The following GRHL2 variants were observed in gnomAD, a reference collection of about 807,000 sequenced individuals.
GRHL2 encodes the protein grainyhead like transcription factor 2, also known as grainyhead-like protein 2 homolog.
A neutral mutation model predicts 83.8 loss-of-function variants in GRHL2; 21 were observed. That is an observed-to-expected ratio of 0.25 (90% CI 0.18 to 0.36). The LOEUF (loss-of-function observed/expected upper bound fraction) is 0.36. Ranked by LOEUF, GRHL2 falls within the 10% of genes least tolerant of loss-of-function variation. GRHL2 has a pLI of 1.00. For synonymous variants in GRHL2, 280 were observed against 278.9 expected (o/e 1.00, Z -0.04); for missense variants, 623 against 781.8 (o/e 0.80, Z 2.42).
At chr8:101,672,706 C>G (rs551203891), downstream of GRHL2, among the ~76,000 whole-genome samples, 19 of 151,878 alleles carry the variant, frequency 1.3e-4, no homozygotes, top group African/African-American at 4.4e-4. Context: ...CAGAGAACGT[C>G]ACAAAGATAC....
At chr8:101,590,101 T>C (rs77764733) in intron 7 of GRHL2, among the ~76,000 whole-genome samples, 2,917 of 152,266 alleles carry the variant, frequency 0.019, 81 homozygotes, top group African/African-American at 0.065. Flanking sequence ...TCTCAAAAAA[T>C]GGTGGCCATT....
At chr8:101,544,100 A>C (rs187594728) in intron 2 of GRHL2, 1 of 153,236 alleles carries the variant, frequency 6.5e-6, no homozygotes, top group Non-Finnish European at 1.5e-5. Context: ...ATGGGAGTAC[A>C]ATTCAAGATG....
At chr8:101,549,180 C>G (rs1811328028) in intron 2 of GRHL2, among the ~76,000 whole-genome samples, 1 of 152,030 alleles carries the variant, frequency 6.6e-6, no homozygotes, top group African/African-American at 2.4e-5. Context: ...GCAGAGAGGA[C>G]TTTGTGTCAT....
intron 14 of GRHL2, among the ~76,000 whole-genome samples, chr8:101,658,432 A>C (rs916301713): frequency 6.6e-6 from 1 of 152,176 alleles, no homozygotes; most frequent in African/African-American, 2.4e-5. Flanking sequence ...TCTGAGAGAC[A>C]GCGCTCACAA....
chr8:101,535,291 G>A (rs1231334075), intron 1 of GRHL2, among the ~76,000 whole-genome samples: 1 of 151,320 alleles, frequency 6.6e-6, no homozygotes, highest in Non-Finnish European at 1.5e-5. Flanking sequence ...TCAGGGAGAT[G>A]TGTGTGTGTG....
rs1451859312 is a variant in GRHL2 at position 101,573,754 on chromosome 8, A to G, written c.821A>G (p.Gln274Arg). The change falls in exon 6 of 16, where the codon CAG (glutamine) becomes CGG (arginine). Residue 274 changes from glutamine to arginine, a missense_variant. Around this residue, in one of 8 missense-constraint regions of GRHL2, gnomAD observed 96 missense variants for 144.8 expected, o/e 0.66. Coordinates refer to ENST00000646743, the MANE Select transcript of GRHL2 (RefSeq NM_024915.4). Reference sequence around the variant, plus strand: ...CCCATGACCTACCTCAACAAAGGACAGTTCTATGCCATAACACTCAGCGAG... The same window carrying G: ...CCCATGACCTACCTCAACAAAGGACGGTTCTATGCCATAACACTCAGCGAG... ...EGPMTYLNKGQFYAITLSETG... is the reference protein window; with the variant it reads ...EGPMTYLNKGRFYAITLSETG... 2 of 1,614,220 alleles carry G rather than the reference A, an allele frequency of 1.2e-6. No individual in the cohort carries two copies. Among genetic ancestry groups the G allele is most frequent in the Non-Finnish European group, 1.7e-6 (2 of 1,180,040 alleles).
intron 9 of GRHL2, among the ~76,000 whole-genome samples, chr8:101,621,891 T>TAAAAAAG (rs1164644649): frequency 6.6e-6 from 1 of 151,718 alleles, no homozygotes; most frequent in Non-Finnish European, 1.5e-5. Context: ...CTAAAAAAAA[T>TAAAAAAG]AAAATCCAAT....
chr8:101,580,621 C>T (rs1812031601), intron 7 of GRHL2, among the ~76,000 whole-genome samples: 1 of 152,190 alleles, frequency 6.6e-6, no homozygotes, highest in African/African-American at 2.4e-5. Context: ...CAAGATCACA[C>T]ATGTGATAAG....
At chr8:101,650,634 A>G (rs910279091) in intron 14 of GRHL2, among the ~76,000 whole-genome samples, 2 of 151,976 alleles carry the variant, frequency 1.3e-5, no homozygotes, top group Non-Finnish European at 2.9e-5. Context: ...AAGGCAAGTT[A>G]GTGGTTGCCA....
Position 101,611,927 on chromosome 8 carries a change from C to T in GRHL2, c.1099-7612C>T, listed in dbSNP as rs1488122050. On this transcript the variant is annotated intron_variant, in intron 8 of 15. Transcript: ENST00000646743. Reference sequence around the variant, plus strand: ...TCTTTCTCTTCCATCTCTCTTTCTCCTGTCTCAAGACTCCTACAGGAAATC... The same window carrying T: ...TCTTTCTCTTCCATCTCTCTTTCTCTTGTCTCAAGACTCCTACAGGAAATC... Among the ~76,000 whole-genome samples, 2 of 151,030 alleles carry T rather than the reference C, an allele frequency of 1.3e-5. 1 individual carries two copies. Among genetic ancestry groups the T allele is most frequent in the African/African-American group, 4.9e-5 (2 of 40,440 alleles).
intron 2 of GRHL2, among the ~76,000 whole-genome samples, chr8:101,551,043 A>G (rs1252896920): frequency 6.6e-6 from 1 of 152,066 alleles, no homozygotes; most frequent in Admixed American, 6.6e-5. Flanking sequence ...CCTTCTGGCT[A>G]CTGTGAATAG....
chr8:101,538,607 T>C (rs1424495686), intron 1 of GRHL2, among the ~76,000 whole-genome samples: 1 of 152,188 alleles, frequency 6.6e-6, no homozygotes, highest in Admixed American at 6.5e-5. Flanking sequence ...TCACAAAGGA[T>C]ATTTAAGAAG....
chr8:101,614,993 A>G (rs1434187039), intron 8 of GRHL2, among the ~76,000 whole-genome samples: 2 of 152,184 alleles, frequency 1.3e-5, no homozygotes, highest in Non-Finnish European at 2.9e-5. Flanking sequence ...AGCTGACAAC[A>G]CAATGTAGCA....
intron 1 of GRHL2, among the ~76,000 whole-genome samples, chr8:101,496,560 CTG>C (rs1404158097): frequency 1.3e-5 from 2 of 151,934 alleles, no homozygotes; most frequent in African/African-American, 2.4e-5. Context: ...ATGGTGCTTA[CTG>C]TGTGTGTGTT....
chr8:101,538,264 G>A (rs1255452882), intron 1 of GRHL2, among the ~76,000 whole-genome samples: 2 of 152,038 alleles, frequency 1.3e-5, no homozygotes, highest in Non-Finnish European at 2.9e-5. Context: ...TATACTCAGG[G>A]GAGCATGGAG....
At chr8:101,581,359 G>A (rs536944572) in intron 7 of GRHL2, among the ~76,000 whole-genome samples, 1 of 152,304 alleles carries the variant, frequency 6.6e-6, no homozygotes, top group South Asian at 2.1e-4. Flanking sequence ...GGCCCAAGTA[G>A]ATTCTGCTGC....
At chr8:101,513,499 G>GATTTTTTTTTTTTTT (rs1563558328) in intron 1 of GRHL2, among the ~76,000 whole-genome samples, 1 of 8,586 alleles carries the variant, frequency 1.2e-4, no homozygotes, top group African/African-American at 1.8e-4. Flanking sequence ...CTATCGTTGT[G>GATTTTTTTTTTTTTT]CTTTTTTTTT....
the GRHL2 span, among the ~76,000 whole-genome samples, chr8:101,676,399 A>C: frequency 1.3e-5 from 2 of 151,712 alleles, no homozygotes; most frequent in African/African-American, 4.8e-5. Flanking sequence ...AAGTGGGCGA[A>C]GGATATGAAC....
In GRHL2 at chr8:101,632,103, G is replaced by T. The variant is rs1311791841; in HGVS notation, c.1346-123G>T. ...ATGAGGTGGTGGGAGGTGTTGAAGT[G>T]TGTTCACATCTATGGTATTCAGAAA... On this transcript the variant is annotated intron_variant, in intron 10 of 15. Transcript: ENST00000646743. 4 of 1,041,662 alleles carry T rather than the reference G, an allele frequency of 3.8e-6. No homozygotes were observed. The African/African-American group carries it at 4.7e-5, about 12-fold the overall frequency. 64.5% of individuals were successfully genotyped at this position (1,041,662 alleles called of 1,614,324 possible). A position where few individuals can be genotyped will look rare whatever the true frequency, so the allele number is the denominator to read the frequency against.
Sources: gnomAD v4.1 joint callset for allele counts (sites outside exome capture counted in the v4.1 genomes callset) on GRCh38, gnomAD v4.1.1 for gene constraint, gnomAD v4.1.1 regional missense constraint, MANE v1.5 for transcripts, NCBI Gene and HGNC (gene_info 2026-07-23, HGNC 2026-07-21) for gene names.